The following KDM4C variants were observed in gnomAD, a reference collection of about 807,000 sequenced individuals.
KDM4C encodes the protein lysine-specific demethylase 4C.
Under a neutral mutation model 129.3 loss-of-function variants are expected in KDM4C, and 81 were observed. The ratio of observed to expected loss-of-function variants is 0.63; its 90% CI spans 0.52 to 0.75. The LOEUF is 0.75. Among genes scored for constraint, KDM4C ranks in the 30% least tolerant of loss-of-function variants. The pLI, the probability that KDM4C is intolerant of heterozygous loss-of-function variation, is 0.00. For missense variants in KDM4C, 1,457 were observed against 1,304.0 expected (o/e 1.12, Z -1.81); for synonymous variants, 573 against 456.1 (o/e 1.26, Z -3.26).
At chr9:7,125,789 A>C (rs1375680517) in intron 18 of KDM4C, among the ~76,000 whole-genome samples, 1 of 152,206 alleles carries the variant, frequency 6.6e-6, no homozygotes, top group East Asian at 1.9e-4. Context: ...CTTGGGGATT[A>C]TGAAGGCCTG....
intron 2 of KDM4C, 119 bp from the exon 3 acceptor site, chr9:6,805,480 T>TTTAA: frequency 3.3e-6 from 2 of 600,268 alleles, no homozygotes; most frequent in East Asian, 3.1e-5. Context: ...TTTTTTTTTT[T>TTTAA]ACACATTTGT....
chr9:6,883,920 T>TA (rs766130230), intron 6 of KDM4C, among the ~76,000 whole-genome samples: 26 of 151,820 alleles, frequency 1.7e-4, no homozygotes, highest in Non-Finnish European at 2.6e-4. Context: ...AGGAATGCAG[T>TA]AAAAAAAACC....
intron 8 of KDM4C, among the ~76,000 whole-genome samples, chr9:6,969,889 G>T (rs752789250): frequency 6.6e-6 from 1 of 152,208 alleles, no homozygotes; most frequent in Non-Finnish European, 1.5e-5. Flanking sequence ...TTTCTGCTCT[G>T]TTGATTTCTT....
intron 17 of KDM4C, among the ~76,000 whole-genome samples, chr9:7,067,721 A>G (rs1414129036): frequency 2.6e-5 from 4 of 152,222 alleles, no homozygotes; most frequent in African/African-American, 9.6e-5. Flanking sequence ...AAGTGTATAA[A>G]ATCCAAAATG....
intron 18 of KDM4C, among the ~76,000 whole-genome samples, chr9:7,113,347 A>G (rs1015861307): frequency 3.9e-5 from 6 of 152,242 alleles, no homozygotes; most frequent in African/African-American, 1.4e-4. Flanking sequence ...TAGAATATTG[A>G]CATTCAGAAC....
At chr9:7,065,587 C>G (rs992291185) in intron 17 of KDM4C, among the ~76,000 whole-genome samples, 1 of 152,170 alleles carries the variant, frequency 6.6e-6, no homozygotes, top group African/African-American at 2.4e-5. Context: ...TTTTAATAGA[C>G]TAATGAGCTT....
chr9:6,823,743 T>C (rs1833417569), intron 4 of KDM4C, among the ~76,000 whole-genome samples: 1 of 152,228 alleles, frequency 6.6e-6, no homozygotes, highest in African/African-American at 2.4e-5. Context: ...TTCAAAATCT[T>C]GAGTCACATG....
At chr9:6,733,307 G>C (rs1281381700) in intron 1 of KDM4C, among the ~76,000 whole-genome samples, 1 of 152,258 alleles carries the variant, frequency 6.6e-6, no homozygotes, top group Non-Finnish European at 1.5e-5. Context: ...ATTGCCTACA[G>C]AAAGGGGCTT....
intron 17 of KDM4C, among the ~76,000 whole-genome samples, chr9:7,090,926 G>T (rs534285131): frequency 6.6e-6 from 1 of 152,202 alleles, no homozygotes; most frequent in Non-Finnish European, 1.5e-5. Flanking sequence ...GGGGAAGAAT[G>T]AATTGTACAT....
At chr9:7,006,084 A>T (rs1821614478) in intron 12 of KDM4C, among the ~76,000 whole-genome samples, 3 of 152,246 alleles carry the variant, frequency 2.0e-5, no homozygotes, top group African/African-American at 7.2e-5. Flanking sequence ...ATTGAAATAA[A>T]CACTGTATGT....
intron 5 of KDM4C, among the ~76,000 whole-genome samples, chr9:6,863,668 C>T (rs1002758666): frequency 2.6e-5 from 4 of 151,670 alleles, no homozygotes; most frequent in Non-Finnish European, 2.9e-5. Context: ...TGGTGGCGGG[C>T]GCCTGTAGTT....
intron 15 of KDM4C, among the ~76,000 whole-genome samples, chr9:7,038,857 G>A (rs1828090610): frequency 6.6e-6 from 1 of 151,718 alleles, no homozygotes; most frequent in Admixed American, 6.6e-5. Context: ...CTTTATTCTT[G>A]AGGTTGGTTT....
chr9:6,882,818 G>A (rs1047484489), intron 6 of KDM4C, among the ~76,000 whole-genome samples: 10 of 151,958 alleles, frequency 6.6e-5, no homozygotes, highest in Admixed American at 3.9e-4. Flanking sequence ...GCGTGTGCAC[G>A]TGCACGCACA....
intron 19 of KDM4C, among the ~76,000 whole-genome samples, chr9:7,162,436 G>A (rs1843901980): frequency 6.6e-6 from 1 of 152,164 alleles, no homozygotes; most frequent in Non-Finnish European, 1.5e-5. Flanking sequence ...GTGAGTGAAA[G>A]GTGAATTTAC....
At chr9:6,846,975 G>A (rs1837954482) in intron 4 of KDM4C, among the ~76,000 whole-genome samples, 2 of 152,196 alleles carry the variant, frequency 1.3e-5, no homozygotes. Flanking sequence ...GTGACCTGCA[G>A]AGCTGGGGTT....
At chr9:6,763,064 G>A (rs1205383896) in intron 1 of KDM4C, among the ~76,000 whole-genome samples, 2 of 152,034 alleles carry the variant, frequency 1.3e-5, no homozygotes, top group African/African-American at 4.8e-5. Flanking sequence ...TAGAGGGGGC[G>A]TGGTTACGAT....
intron 4 of KDM4C, among the ~76,000 whole-genome samples, chr9:6,836,528 A>C (rs889652849): frequency 6.6e-6 from 1 of 151,466 alleles, no homozygotes; most frequent in Non-Finnish European, 1.5e-5. Context: ...GGGACCAACC[A>C]CTCTTTTTTA....
intron 13 of KDM4C, among the ~76,000 whole-genome samples, chr9:7,013,405 G>C (rs1341766166): frequency 6.6e-6 from 1 of 152,100 alleles, no homozygotes; most frequent in Non-Finnish European, 1.5e-5. Context: ...TAAAACTGGG[G>C]TCTTTGTACA....
At chr9:7,124,039 A>T (rs760239481) in intron 18 of KDM4C, among the ~76,000 whole-genome samples, 4 of 152,190 alleles carry the variant, frequency 2.6e-5, no homozygotes, top group Non-Finnish European at 5.9e-5. Flanking sequence ...GTCTGCTCCC[A>T]ATGAGGCTGG....
Sources: gnomAD v4.1 joint callset for allele counts (sites outside exome capture counted in the v4.1 genomes callset) on GRCh38, gnomAD v4.1.1 for gene constraint, MANE v1.5 for transcripts, NCBI Gene and HGNC (gene_info 2026-07-23, HGNC 2026-07-21) for gene names.